Variants in SNTB2 observed in about 807,000 individuals in gnomAD.
The protein encoded by SNTB2 is beta-2-syntrophin.
SNTB2 carries 34 observed loss-of-function variants against 46.2 expected under a neutral mutation model. The ratio of observed to expected loss-of-function variants is 0.74; its 90% CI spans 0.56 to 0.98. The LOEUF is 0.98. Ranked by LOEUF, SNTB2 falls within the 50% of genes least tolerant of loss-of-function variation. The probability of loss-of-function intolerance (pLI) is 0.00; values close to 1 mark genes in which losing one functional copy is unlikely to be tolerated. For missense variants in SNTB2, 603 were observed against 731.4 expected, an observed-to-expected ratio of 0.82 and a Z score of 2.02; for synonymous variants, 290 against 312.6, an observed-to-expected ratio of 0.93 and a Z score of 0.76.
rs1964007849 is a variant in SNTB2 at position 69,187,746 on chromosome 16, G to GGTGA, written c.580+2_580+5dup. 2.0e-6 allele frequency: 3 copies of GGTGA among 1,474,732 alleles called. No individual in the cohort carries two copies. The highest frequency in any genetic ancestry group is 2.7e-6 in the Non-Finnish European group (3 of 1,122,372). 91.4% of individuals were successfully genotyped at this position (1,474,732 alleles called of 1,614,324 possible). On this transcript the variant is annotated frameshift_variant and splice_region_variant. Coordinates refer to ENST00000336278, the MANE Select transcript of SNTB2 (RefSeq NM_006750.4). LOFTEE classifies it high-confidence loss of function. Reference sequence around the variant, plus strand: ...CGCGGGCAAGGAGGTGCTGCTGGAGGGTGAGCGGGGCCGGGCGGGAGGGTG... The same window carrying GGTGA: ...CGCGGGCAAGGAGGTGCTGCTGGAGGGTGAGTGAGCGGGGCCGGGCGGGAGGGTG...
At chr16:69,200,145 A>G (rs1397613775) in intron 1 of SNTB2, among the ~76,000 whole-genome samples, 1 of 152,068 alleles carries the variant, frequency 6.6e-6, no homozygotes, top group African/African-American at 2.4e-5. Context: ...CAATCTCCTG[A>G]CCTCGTGATC....
chr16:69,235,495 G>A (rs1172661921), intron 1 of SNTB2, among the ~76,000 whole-genome samples: 1 of 152,114 alleles, frequency 6.6e-6, no homozygotes. Context: ...TTCTATATAG[G>A]TGGAGAAAGG....
chr16:69,255,079 T>C (rs1432945210), intron 2 of SNTB2, among the ~76,000 whole-genome samples: 1 of 151,948 alleles, frequency 6.6e-6, no homozygotes, highest in African/African-American at 2.4e-5. Context: ...CATAAAATTA[T>C]TTTATTATTA....
intron 5 of SNTB2, among the ~76,000 whole-genome samples, chr16:69,285,276 G>GT (rs1157748793): frequency 6.6e-6 from 1 of 151,210 alleles, no homozygotes; most frequent in East Asian, 1.9e-4. Flanking sequence ...TACTAGCAAA[G>GT]TTTTTTTAAG....
chr16:69,252,107 A>G (rs1013648270), intron 2 of SNTB2, among the ~76,000 whole-genome samples: 11 of 152,120 alleles, frequency 7.2e-5, no homozygotes, highest in African/African-American at 2.7e-4. Context: ...CTCATCCTTC[A>G]TTCTTATCTA....
rs200435439 is a variant in SNTB2 at position 69,229,177 on chromosome 16, CTTTA to C, written c.581-16416_581-16413del. Among the ~76,000 whole-genome samples, 239 of 152,094 alleles carry C rather than the reference CTTTA, an allele frequency of 1.6e-3. 2 individuals carry two copies. Among genetic ancestry groups the C allele is most frequent in the Admixed American group, 5.8e-3 (88 of 15,264 alleles). On this transcript the variant is annotated intron_variant, in intron 1 of 6. Transcript: ENST00000336278. ...TTTTTTTCATTATTATTTGATGGCA[CTTTA>C]TTTATTTAGTGACAGGATCTCACTC...
intron 1 of SNTB2, among the ~76,000 whole-genome samples, chr16:69,213,517 T>G (rs74752912): frequency 1.5e-4 from 22 of 149,044 alleles, no homozygotes; most frequent in Non-Finnish European, 2.8e-4. Context: ...TTTTTTTTTT[T>G]GAGATGGAGT....
At chr16:69,293,799 C>T (rs1284874522) in intron 5 of SNTB2, among the ~76,000 whole-genome samples, 1 of 152,062 alleles carries the variant, frequency 6.6e-6, no homozygotes, top group Non-Finnish European at 1.5e-5. Flanking sequence ...AGATGCAATC[C>T]AAGGCACAGG....
intron 4 of SNTB2, among the ~76,000 whole-genome samples, chr16:69,277,482 A>G (rs1964993615): frequency 6.6e-6 from 1 of 152,250 alleles, no homozygotes; most frequent in South Asian, 2.1e-4. Context: ...AAGGGAAACC[A>G]GTTGATTTTT....
chr16:69,192,549 A>G (rs866395055), intron 1 of SNTB2, among the ~76,000 whole-genome samples: 47 of 152,364 alleles, frequency 3.1e-4, no homozygotes, highest in African/African-American at 9.4e-4. Context: ...ATCTGGTCAC[A>G]TGGAATGAGA....
intron 3 of SNTB2, among the ~76,000 whole-genome samples, chr16:69,266,220 C>T (rs1338811403): frequency 1.3e-5 from 2 of 151,952 alleles, no homozygotes; most frequent in South Asian, 2.1e-4. Context: ...CAAAATTAGC[C>T]GGGCATGGTG....
At chr16:69,236,408 C>T (rs1252028807) in intron 1 of SNTB2, among the ~76,000 whole-genome samples, 4 of 152,016 alleles carry the variant, frequency 2.6e-5, no homozygotes, top group African/African-American at 7.3e-5. Context: ...TACAAAGGGA[C>T]AACTATTGTA....
At chr16:69,292,435 T>TATA (rs1291261454) in intron 5 of SNTB2, among the ~76,000 whole-genome samples, 281 of 10,494 alleles carry the variant, frequency 0.027, 44 homozygotes, top group East Asian at 0.04. Context: ...TATATATATA[T>TATA]TATATATATA....
rs747641734 is a variant in SNTB2, at chr16:69,260,243, G to A, written c.988G>A (p.Ala330Thr). The A allele has an allele frequency of 1.9e-6, 3 of 1,614,136 alleles. No homozygotes were observed. The Admixed American group carries it at 5.0e-5, about 27-fold the overall frequency. ...AGGCAGTAAAGAGGTGAAGCATATT[G>A]CCTGGCTGGCAGAACAGGTAGGCTG... ...AGGSKEVKHI[A>T]WLAEQAKLDG... The change falls in exon 3 of 7, where the codon GCC becomes ACC. Residue 330 changes from alanine to threonine, a missense_variant. Physicochemically the swap from Ala to Thr is moderately conservative, Grantham distance 58. Coordinates refer to ENST00000336278, the MANE Select transcript of SNTB2 (RefSeq NM_006750.4).
At chr16:69,262,431 T>G (rs1663404644) in intron 3 of SNTB2, among the ~76,000 whole-genome samples, 1 of 151,828 alleles carries the variant, frequency 6.6e-6, no homozygotes, top group East Asian at 1.9e-4. Flanking sequence ...TGTGACTGAT[T>G]TTACCGTTTA....
At chr16:69,268,630 C>T (rs911700599) in intron 3 of SNTB2, among the ~76,000 whole-genome samples, 27 of 151,992 alleles carry the variant, frequency 1.8e-4, no homozygotes, top group African/African-American at 6.5e-4. Context: ...TCTGGGAGAC[C>T]GAGGCGGGTG....
intron 1 of SNTB2, among the ~76,000 whole-genome samples, chr16:69,218,570 T>C (rs1254887642): frequency 2.0e-5 from 3 of 151,900 alleles, no homozygotes; most frequent in African/African-American, 7.3e-5. Context: ...TACAGGCGCC[T>C]GCCACCACAC....
rs1261201530 is a variant in SNTB2 at position 69,245,797 on chromosome 16, T to C, written c.776T>C (p.Met259Thr). ...TGCTTTGCTGCTAGAAACCTAAGCA[T>C]GCCGGATCTGGAAAACAGGTGAGGT... Reference protein sequence around the residue: ...KMCFAARNLSMPDLENRLIEL... With the variant: ...KMCFAARNLSTPDLENRLIEL... The change falls in exon 2 of 7, where the codon ATG (methionine) becomes ACG (threonine). Residue 259 changes from methionine to threonine, a missense_variant. Physicochemically the swap from Met to Thr is moderately conservative, Grantham distance 81. Around this residue, in one of 2 missense-constraint regions of SNTB2, gnomAD observed 537 missense variants for 692.4 expected, o/e 0.78. Coordinates refer to ENST00000336278, the MANE Select transcript of SNTB2 (RefSeq NM_006750.4). 1 of 1,614,022 alleles carries C rather than the reference T, an allele frequency of 6.2e-7. No individual in the cohort carries two copies. Among genetic ancestry groups the C allele is most frequent in the East Asian group, 2.2e-5 (1 of 44,878 alleles).
chr16:69,283,682 ACATATAACCTCT>A (rs1023079808), intron 4 of SNTB2, among the ~76,000 whole-genome samples: 5 of 152,224 alleles, frequency 3.3e-5, no homozygotes, highest in African/African-American at 1.2e-4. Context: ...TCTTTTTGAT[ACATATAACCTCT>A]TGGGAGCATA....
Sources: allele counts gnomAD v4.1 joint callset (sites outside exome capture counted in the v4.1 genomes callset), GRCh38; gene constraint gnomAD v4.1.1; regional missense constraint gnomAD v4.1.1; transcripts MANE v1.5; gene names NCBI Gene and HGNC (gene_info 2026-07-23, HGNC 2026-07-21).